Variants in THSD7B observed in about 807,000 individuals in gnomAD.
THSD7B encodes thrombospondin type 1 domain containing 7B, also known as thrombospondin type-1 domain-containing protein 7B.
A neutral mutation model predicts 213.6 loss-of-function variants in THSD7B; 138 were observed. That is an observed-to-expected ratio of 0.65 (90% CI 0.56 to 0.74). THSD7B has a LOEUF of 0.74. THSD7B is among the 30% of genes least tolerant of loss of function. THSD7B has a pLI of 0.00. For missense variants in THSD7B, 1,931 were observed against 1,991.5 expected, an observed-to-expected ratio of 0.97 and a Z score of 0.58; for synonymous variants, 742 against 687.0, an observed-to-expected ratio of 1.08 and a Z score of -1.25.
At chr2:137,522,459 C>G (rs1680203486) in intron 15 of THSD7B, among the ~76,000 whole-genome samples, 1 of 152,050 alleles carries the variant, frequency 6.6e-6, no homozygotes, top group South Asian at 2.1e-4. Flanking sequence ...TTTCTTGACA[C>G]AAAGGAGGTG....
At chr2:137,186,071 T>TAAAA (rs1468433329) in intron 7 of THSD7B, among the ~76,000 whole-genome samples, 2 of 152,182 alleles carry the variant, frequency 1.3e-5, no homozygotes, top group Non-Finnish European at 2.9e-5. Context: ...GCCTACTTTT[T>TAAAA]AGTGTGGTTA....
At position 137,172,874 on chromosome 2, in the gene THSD7B, G is replaced by A. The variant is rs148293977; in HGVS notation, c.1723+1936G>A. On this transcript the variant is annotated intron_variant, in intron 7 of 27. Coordinates refer to ENST00000409968, the MANE Select transcript of THSD7B (RefSeq NM_001316349.2). ...AATTGCAGGATGCCCAGGTGGTGTT[G>A]GAGAATTGTGTGGTTACAGAAGTGT... Among the ~76,000 whole-genome samples, 581 of 152,252 alleles carry A rather than the reference G, an allele frequency of 3.8e-3. 6 individuals carry two copies. The highest frequency in any genetic ancestry group is 0.013 in the African/African-American group (542 of 41,558).
chr2:136,979,499 C>A (rs1573746576), intron 2 of THSD7B, among the ~76,000 whole-genome samples: 1 of 151,950 alleles, frequency 6.6e-6, no homozygotes, highest in African/African-American at 2.4e-5. Context: ...TCTTTTTATT[C>A]TTTTTCTCTA....
chr2:137,382,275 A>G (rs1685794652), intron 12 of THSD7B, among the ~76,000 whole-genome samples: 1 of 152,206 alleles, frequency 6.6e-6, no homozygotes, highest in Admixed American at 6.5e-5. Context: ...ATTCTCTTGC[A>G]GATTTAGAAG....
intron 25 of THSD7B, among the ~76,000 whole-genome samples, chr2:137,660,075 T>G (rs983475967): frequency 1.3e-5 from 2 of 152,250 alleles, no homozygotes; most frequent in Non-Finnish European, 2.9e-5. Flanking sequence ...AAAGATACTA[T>G]AAATGTTCAT....
chr2:137,036,516 A>C (rs1468069368), intron 2 of THSD7B, among the ~76,000 whole-genome samples: 2 of 152,220 alleles, frequency 1.3e-5, no homozygotes, highest in Non-Finnish European at 2.9e-5. Flanking sequence ...TGAAGTAACT[A>C]TTATGGCTTA....
At chr2:136,907,315 A>T (rs1252268200) in intron 2 of THSD7B, among the ~76,000 whole-genome samples, 1 of 152,196 alleles carries the variant, frequency 6.6e-6, no homozygotes, top group African/African-American at 2.4e-5. Flanking sequence ...TTTTTTATTA[A>T]AATGGGCAGA....
chr2:137,203,001 G>T (rs1573883392), intron 7 of THSD7B, among the ~76,000 whole-genome samples: 1 of 151,648 alleles, frequency 6.6e-6, no homozygotes, highest in Non-Finnish European at 1.5e-5. Context: ...ATAAGAGATG[G>T]ATAGAAGGAG....
chr2:136,994,742 G>A (rs1263814133), intron 2 of THSD7B, among the ~76,000 whole-genome samples: 3 of 152,140 alleles, frequency 2.0e-5, no homozygotes, highest in Non-Finnish European at 4.4e-5. Context: ...TAAACAACTT[G>A]TTCCACATTA....
rs1688496103 is a variant in THSD7B, at chr2:137,487,732, CTTTCTTTTTTTTTTTT to C, written c.3138+36713_3138+36728del. On this transcript the variant is annotated intron_variant, in intron 15 of 27. Coordinates refer to ENST00000409968, the MANE Select transcript of THSD7B (RefSeq NM_001316349.2). ...ATCTAGAAGAAATATTTTGAGGTTT[CTTTCTTTTTTTTTTTT>C]TTTTTTTTTTTTTTTTTTTTTTTTT... Among the ~76,000 whole-genome samples, 2 of 35,514 alleles carry C rather than the reference CTTTCTTTTTTTTTTTT, an allele frequency of 5.6e-5. 1 individual carries two copies. The highest frequency in any genetic ancestry group is 1.9e-4 in the African/African-American group (2 of 10,810). 23.3% of individuals were successfully genotyped at this position (35,514 alleles called of 152,430 possible).
At chr2:136,870,825 A>C (rs1337483578) in intron 1 of THSD7B, among the ~76,000 whole-genome samples, 2 of 152,216 alleles carry the variant, frequency 1.3e-5, no homozygotes, top group Non-Finnish European at 2.9e-5. Context: ...TGTGATTGAA[A>C]GCCACTAGAG....
In THSD7B at chr2:137,048,399, G is replaced by A. The variant is rs145812566; in HGVS notation, c.140-8021G>A. ...CACTAAATGTTCTGTCCACCAAAAT[G>A]CAGCCAGTACCTTGTTTGTTCTCAC... is the stretch of plus-strand genomic sequence containing the variant. On this transcript the variant is annotated intron_variant, in intron 2 of 27. Transcript: ENST00000409968. Among the ~76,000 whole-genome samples the A allele has an allele frequency of 2.0e-3, 300 of 152,148 alleles. 3 individuals are homozygous for A. The highest frequency in any genetic ancestry group is 6.8e-3 in the Middle Eastern group (2 of 294).
chr2:137,482,178 C>T (rs1688324326), intron 15 of THSD7B, among the ~76,000 whole-genome samples: 1 of 105,824 alleles, frequency 9.4e-6, no homozygotes, highest in Non-Finnish European at 2.0e-5. Context: ...AGACTCCGGC[C>T]CTCCCCACCA....
At chr2:136,903,236 G>T (rs900609265) in intron 2 of THSD7B, among the ~76,000 whole-genome samples, 1 of 152,164 alleles carries the variant, frequency 6.6e-6, no homozygotes, top group African/African-American at 2.4e-5. Context: ...TAAATGCTCC[G>T]TAGGAGATAG....
intron 15 of THSD7B, among the ~76,000 whole-genome samples, chr2:137,467,907 A>C (rs950128156): frequency 6.6e-6 from 1 of 152,188 alleles, no homozygotes; most frequent in Non-Finnish European, 1.5e-5. Context: ...TGCATACAAC[A>C]CATGTTTCTC....
rs1652436 is a variant in THSD7B at position 136,864,655 on chromosome 2, T to G, written c.-35-17489T>G. Among the ~76,000 whole-genome samples the G allele has an allele frequency of 1.3e-5, 2 of 151,942 alleles. 1 individual carries two copies. The highest frequency in any genetic ancestry group is 1.3e-4 in the Admixed American group (2 of 15,276). On this transcript the variant is annotated intron_variant, in intron 1 of 27. Transcript: ENST00000409968. ...GCAAGCTCCACCTCCCAGGTTCACA[T>G]CATTCTCCTGCTTCAGCCCCCCGAG...
intron 14 of THSD7B, among the ~76,000 whole-genome samples, chr2:137,415,788 G>T (rs1486662248): frequency 6.9e-6 from 1 of 145,402 alleles, no homozygotes; most frequent in East Asian, 2.1e-4. Context: ...GGTCTCTGCT[G>T]AATATCCCCT....
chr2:137,200,896 T>C lies in THSD7B; in HGVS notation c.1723+29958T>C, dbSNP rs117421994. Among the ~76,000 whole-genome samples the C allele has an allele frequency of 1.2e-3, 179 of 147,614 alleles. No individual in the cohort carries two copies. In the East Asian group the frequency reaches 0.032, roughly 26 times the overall value. Reference sequence around the variant, plus strand: ...GTTGCCCAGACTGGTCTCCAACTCCTGGCCTCAAGCGATCCTACTGCCTTG... The same window carrying C: ...GTTGCCCAGACTGGTCTCCAACTCCCGGCCTCAAGCGATCCTACTGCCTTG... On this transcript the variant is annotated intron_variant, in intron 7 of 27. Coordinates refer to ENST00000409968, the MANE Select transcript of THSD7B (RefSeq NM_001316349.2).
intron 15 of THSD7B, among the ~76,000 whole-genome samples, chr2:137,528,899 T>C (rs2029090): frequency 0.28 from 42,245 of 151,858 alleles, 5,986 homozygotes; most frequent in South Asian, 0.38. Flanking sequence ...CTCAGTCTGG[T>C]GCTTCGCAGA....
Sources: allele counts gnomAD v4.1 joint callset (sites outside exome capture counted in the v4.1 genomes callset), GRCh38; gene constraint gnomAD v4.1.1; transcripts MANE v1.5; gene names NCBI Gene and HGNC (gene_info 2026-07-23, HGNC 2026-07-21).